BCO1: variants seen among roughly 807,000 people sequenced by gnomAD.
BCO1 encodes the protein beta,beta-carotene 15,15'-dioxygenase.
BCO1 carries 54 observed loss-of-function variants against 56.3 expected under a neutral mutation model. The ratio of observed to expected loss-of-function variants is 0.96; its 90% confidence interval spans 0.77 to 1.20. The LOEUF (loss-of-function observed/expected upper bound fraction) is 1.20, where lower values mean the gene tolerates loss of function less well. Ranked by LOEUF, BCO1 falls within the 50% of genes most tolerant of loss-of-function variation. The pLI is 0.00. For missense variants in BCO1, 801 were observed against 690.9 expected (o/e 1.16, Z -1.79); for synonymous variants, 318 against 266.1 (o/e 1.20, Z -1.90).
rs780700583 is a variant in BCO1 at position 81,259,914 on chromosome 16, C to G, written c.323+109C>G. 2.5e-5 allele frequency: 33 copies of G among 1,329,254 alleles called. No individual in the cohort carries two copies. In the Admixed American group the frequency reaches 5.4e-4, roughly 22 times the overall value. 82.3% of individuals were successfully genotyped at this position (1,329,254 alleles called of 1,614,324 possible). Reference sequence around the variant, plus strand: ...CAATTCTCTTTAGGGTAGATGAAAACTCCACATGACTGCCCTTTAACCAGA... The same window carrying G: ...CAATTCTCTTTAGGGTAGATGAAAAGTCCACATGACTGCCCTTTAACCAGA... On this transcript the variant is annotated intron_variant, in intron 3 of 10. Transcript: ENST00000258168.
chr16:81,249,993 A>G (rs9924126), intron 2 of BCO1, among the ~76,000 whole-genome samples: 65,879 of 151,988 alleles, frequency 0.43, 14,591 homozygotes, highest in Middle Eastern at 0.53. Context: ...TGAGGCAGTC[A>G]TTGTTTTGGT....
At position 81,245,617 on chromosome 16, in the gene BCO1, C is replaced by G. The variant is rs753270632; in HGVS notation, c.193+14C>G. On this transcript the variant is annotated intron_variant, in intron 2 of 10. Coordinates refer to ENST00000258168, the MANE Select transcript of BCO1 (RefSeq NM_017429.3). Reference sequence around the variant, plus strand: ...CCATCAGAGACGGTGAGAACACCCACGAGTGTGCTGCCACTGCTGCAGCAA... The same window carrying G: ...CCATCAGAGACGGTGAGAACACCCAGGAGTGTGCTGCCACTGCTGCAGCAA... 7 of 1,613,972 alleles carry G rather than the reference C, an allele frequency of 4.3e-6. No homozygotes were observed. Among genetic ancestry groups the G allele is most frequent in the Non-Finnish European group, 5.1e-6 (6 of 1,180,008 alleles).
At chr16:81,253,550 C>T (rs537998974) in intron 2 of BCO1, among the ~76,000 whole-genome samples, 8 of 152,310 alleles carry the variant, frequency 5.3e-5, no homozygotes, top group African/African-American at 1.9e-4. Flanking sequence ...CCCATCAGGG[C>T]AGTTAATAAA....
At position 81,277,718 on chromosome 16, in the gene BCO1, G is replaced by A. The variant is rs188196273; in HGVS notation, c.1102-3139G>A. On this transcript the variant is annotated intron_variant, in intron 7 of 10. Transcript: ENST00000258168. ...TCTTATGAGAGTTCCCTTAAGTGTC[G>A]GGATTTCAATGTAAGCTTGCAAGAT... 2.6e-5 allele frequency among the ~76,000 whole-genome samples: 4 copies of A among 152,244 alleles called. No homozygotes were observed. The East Asian group carries it at 5.8e-4, about 22-fold the overall frequency.
chr16:81,268,048 A>C lies in BCO1; in HGVS notation c.760A>C (p.Arg254=), dbSNP rs1322475114. The C allele has an allele frequency of 6.2e-7, 1 of 1,613,266 alleles. No homozygotes were observed. Among genetic ancestry groups the C allele is most frequent in the Non-Finnish European group, 8.5e-7 (1 of 1,179,958 alleles). ...TGTCATCTTCCTTGAGCAGCCTTTC[A>C]GGTTGGATATTCTCAAGATGGCAAC... ...NYVIFLEQPF[R]LDILKMATAY... Residue 254 remains arginine (R), a synonymous_variant, in exon 6 of 11, where the codon AGG becomes CGG. Coordinates refer to ENST00000258168, the MANE Select transcript of BCO1 (RefSeq NM_017429.3).
intron 4 of BCO1, 122 bp downstream of exon 4, chr16:81,262,405 T>G: frequency 9.7e-7 from 1 of 1,032,644 alleles, no homozygotes; most frequent in Non-Finnish European, 1.5e-6. Flanking sequence ...TCTAACACCG[T>G]TGGATCCCGT....
intron 10 of BCO1, among the ~76,000 whole-genome samples, chr16:81,287,634 C>T (rs1229861321): frequency 6.6e-6 from 1 of 152,166 alleles, no homozygotes; most frequent in South Asian, 2.1e-4. Context: ...TAGCCTTCAG[C>T]TTCAATAATT....
At chr16:81,275,283 C>G (rs1182805276) in intron 7 of BCO1, among the ~76,000 whole-genome samples, 1 of 152,238 alleles carries the variant, frequency 6.6e-6, no homozygotes, top group Non-Finnish European at 1.5e-5. Flanking sequence ...CCCTGGCTGG[C>G]TGCACATTGG....
At chr16:81,259,324 T>G (rs947490987) in intron 2 of BCO1, among the ~76,000 whole-genome samples, 4 of 151,832 alleles carry the variant, frequency 2.6e-5, no homozygotes, top group Non-Finnish European at 5.9e-5. Context: ...TGAAACCCCA[T>G]CTCTACTAAA....
chr16:81,259,602 A>AG (rs1906355388), intron 2 of BCO1, 74 bp from the exon 3 acceptor site: 1 of 1,601,948 alleles, frequency 6.2e-7, no homozygotes, highest in Non-Finnish European at 8.5e-7. Context: ...AGTAAAACCC[A>AG]TACAAGGACT....
chr16:81,239,206 G>A (rs961874358), intron 1 of BCO1, among the ~76,000 whole-genome samples: 1 of 151,568 alleles, frequency 6.6e-6, no homozygotes, highest in Non-Finnish European at 1.5e-5. Context: ...TAGTAGAGAC[G>A]GGGTTTCAGC....
chr16:81,273,908 A>G (rs1907393078), intron 7 of BCO1, among the ~76,000 whole-genome samples: 1 of 152,210 alleles, frequency 6.6e-6, no homozygotes, highest in Non-Finnish European at 1.5e-5. Context: ...TGACCTAGTC[A>G]GAACAACTGG....
At chr16:81,282,077 G>A (rs965668387) in intron 8 of BCO1, among the ~76,000 whole-genome samples, 1 of 152,188 alleles carries the variant, frequency 6.6e-6, no homozygotes, top group Non-Finnish European at 1.5e-5. Flanking sequence ...GGGACAGAGT[G>A]CATTTCAACT....
Position 81,280,166 on chromosome 16 carries a change from G to C in BCO1, c.1102-691G>C, listed in dbSNP as rs139022951. Among the ~76,000 whole-genome samples the C allele has an allele frequency of 8.2e-3, 1,229 of 150,520 alleles. 24 individuals are homozygous for C. Among genetic ancestry groups the C allele is most frequent in the African/African-American group, 0.028 (1,168 of 41,068 alleles). On this transcript the variant is annotated intron_variant, in intron 7 of 10. Coordinates refer to ENST00000258168, the MANE Select transcript of BCO1 (RefSeq NM_017429.3). ...TAATCCCAGCTACTCTGGAGGCTGAGGCAGGAGAATCGATTGAACCTGGGA... is the reference window on the plus strand; with the variant it reads ...TAATCCCAGCTACTCTGGAGGCTGACGCAGGAGAATCGATTGAACCTGGGA...
At chr16:81,262,925 A>C (rs1906586273) in intron 4 of BCO1, 1 of 156,052 alleles carries the variant, frequency 6.4e-6, no homozygotes, top group African/African-American at 2.4e-5. Context: ...TCTGAAACCA[A>C]GGTGTCAGCC....
intron 2 of BCO1, among the ~76,000 whole-genome samples, chr16:81,255,560 C>A (rs539209573): frequency 6.6e-6 from 1 of 151,244 alleles, no homozygotes; most frequent in Admixed American, 6.6e-5. Context: ...AGTGCAGTGG[C>A]GTGATCTCAG....
At chr16:81,272,849 G>C (rs1907319271) in intron 7 of BCO1, among the ~76,000 whole-genome samples, 1 of 152,192 alleles carries the variant, frequency 6.6e-6, no homozygotes, top group African/African-American at 2.4e-5. Flanking sequence ...CCCTGTAGAA[G>C]CCTCATTTTA....
Position 81,290,393 on chromosome 16 carries a change from C to T in BCO1, c.1460C>T (p.Pro487Leu), listed in dbSNP as rs1908396076. Residue 487 changes from proline (P) to leucine (L), a missense_variant, in exon 11 of 11, where the codon CCT becomes CTT. Coordinates refer to ENST00000258168, the MANE Select transcript of BCO1 (RefSeq NM_017429.3). Reference sequence around the variant, plus strand: ...GTCTCTACTGATCCCCAAAAGCTGCCTTTTCTGCTCATTCTGGATGCCAAA... The same window carrying T: ...GTCTCTACTGATCCCCAAAAGCTGCTTTTTCTGCTCATTCTGGATGCCAAA... The part of the protein sequence containing the change: ...AIVSTDPQKL[P>L]FLLILDAKSF... 1.2e-6 allele frequency: 2 copies of T among 1,614,080 alleles called. No individual in the cohort carries two copies. Among genetic ancestry groups the T allele is most frequent in the African/African-American group, 1.3e-5 (1 of 74,916 alleles).
Position 81,273,627 on chromosome 16 carries a change from C to T in BCO1, c.1101+3211C>T, listed in dbSNP as rs1211874804. On this transcript the variant is annotated intron_variant, in intron 7 of 10. Transcript: ENST00000258168. ...CATATTTTATATCACCTCTACTTAA[C>T]ATTTAAAAATCCTTTTTTTTTTTTC... is the stretch of plus-strand genomic sequence containing the variant. Among the ~76,000 whole-genome samples, 4 of 142,310 alleles carry T rather than the reference C, an allele frequency of 2.8e-5. No individual in the cohort carries two copies. In the East Asian group the frequency reaches 7.9e-4, roughly 28 times the overall value. 93.4% of individuals were successfully genotyped at this position (142,310 alleles called of 152,430 possible). A position where few individuals can be genotyped will look rare whatever the true frequency, so the allele number is the denominator to read the frequency against.
Sources: allele counts gnomAD v4.1 joint callset (sites outside exome capture counted in the v4.1 genomes callset), GRCh38; gene constraint gnomAD v4.1.1; transcripts MANE v1.5; gene names NCBI Gene and HGNC (gene_info 2026-07-23, HGNC 2026-07-21).